Variants in HS3ST4 observed in about 807,000 individuals in gnomAD.
HS3ST4 encodes heparan sulfate-glucosamine 3-sulfotransferase 4, also known as heparan sulfate glucosamine 3-O-sulfotransferase 4.
In HS3ST4, 17 loss-of-function variants were observed where a neutral mutation model predicts 29.2. The ratio of observed to expected loss-of-function variants is 0.58; its 90% CI spans 0.40 to 0.87. HS3ST4 has a LOEUF of 0.87. Among genes scored for constraint, HS3ST4 ranks in the 40% least tolerant of loss-of-function variants. HS3ST4 has a pLI of 0.00. For missense variants in HS3ST4, 627 were observed against 634.5 expected, an observed-to-expected ratio of 0.99 and a Z score of 0.13; for synonymous variants, 314 against 285.7, an observed-to-expected ratio of 1.10 and a Z score of -1.00.
chr16:25,977,563 T>C (rs1042986922), intron 1 of HS3ST4, among the ~76,000 whole-genome samples: 3 of 152,212 alleles, frequency 2.0e-5, no homozygotes, highest in Non-Finnish European at 4.4e-5. Context: ...AAGTTTCTTT[T>C]TAAGTGGTTT....
intron 1 of HS3ST4, among the ~76,000 whole-genome samples, chr16:26,076,544 A>C (rs1409701137): frequency 6.6e-6 from 1 of 152,184 alleles, no homozygotes; most frequent in African/African-American, 2.4e-5. Flanking sequence ...AAGCATAGTG[A>C]TTAAAACATG....
chr16:25,981,746 T>A (rs1050166151), intron 1 of HS3ST4, among the ~76,000 whole-genome samples: 1 of 152,194 alleles, frequency 6.6e-6, no homozygotes, highest in Non-Finnish European at 1.5e-5. Flanking sequence ...TTCTCTTCAT[T>A]GTATTCCCAG....
rs1186185771 is a variant in HS3ST4, at chr16:26,135,859, T to C, written c.982T>C (p.Trp328Arg). ...NRTLGLIDAS[W>R]SAIRIGIYAL... Reference sequence around the variant, plus strand: ...GACCCTCGGGCTGATCGATGCTTCCTGGAGTGCCATTCGAATAGGGATCTA... The same window carrying C: ...GACCCTCGGGCTGATCGATGCTTCCCGGAGTGCCATTCGAATAGGGATCTA... The change falls in exon 2 of 2, where the codon TGG (tryptophan) becomes CGG (arginine). Residue 328 changes from tryptophan (W) to arginine (R), a missense_variant. By Grantham distance (101) the Trp-to-Arg change is moderately radical. This residue lies in a region of HS3ST4 where 225 missense variants were observed against 293.7 expected (regional missense o/e 0.77). Transcript: ENST00000331351. 2 of 1,613,902 alleles carry C rather than the reference T, an allele frequency of 1.2e-6. No individual in the cohort carries two copies. Among genetic ancestry groups the C allele is most frequent in the Admixed American group, 1.7e-5 (1 of 60,006 alleles).
intron 1 of HS3ST4, among the ~76,000 whole-genome samples, chr16:25,921,065 T>C (rs1968346946): frequency 6.6e-6 from 1 of 152,218 alleles, no homozygotes; most frequent in Non-Finnish European, 1.5e-5. Context: ...ATAATCTTTG[T>C]CATATTTATT....
At chr16:25,954,343 C>A (rs1251258384) in intron 1 of HS3ST4, among the ~76,000 whole-genome samples, 1 of 152,116 alleles carries the variant, frequency 6.6e-6, no homozygotes, top group Non-Finnish European at 1.5e-5. Flanking sequence ...TTTATTATCC[C>A]TCTTCTCCTC....
chr16:25,706,749 G>C (rs185685961), intron 1 of HS3ST4, among the ~76,000 whole-genome samples: 1 of 152,164 alleles, frequency 6.6e-6, no homozygotes, highest in Non-Finnish European at 1.5e-5. Context: ...GGGGAATTAG[G>C]TTGCAGATGG....
At chr16:25,918,025 TG>T (rs908914809) in intron 1 of HS3ST4, among the ~76,000 whole-genome samples, 3 of 151,982 alleles carry the variant, frequency 2.0e-5, no homozygotes, top group Admixed American at 6.6e-5. Flanking sequence ...TGAGATAGGG[TG>T]GGGGGGAGCA....
intron 1 of HS3ST4, among the ~76,000 whole-genome samples, chr16:26,073,995 G>A (rs1028667772): frequency 3.9e-5 from 6 of 152,120 alleles, no homozygotes; most frequent in African/African-American, 7.2e-5. Flanking sequence ...AGAGAAGCCC[G>A]TGTTTGTACC....
chr16:26,132,073 A>G lies in HS3ST4; in HGVS notation c.735-3539A>G, dbSNP rs144880257. Among the ~76,000 whole-genome samples the G allele has an allele frequency of 6.6e-5, 10 of 152,304 alleles. No homozygotes were observed. In the East Asian group the frequency reaches 1.9e-3, roughly 29 times the overall value. ...TCTGTTGATTTAAATACTTCATTAT[A>G]TGATGCTATAAAGAGCTCTTTATGT... is the stretch of plus-strand genomic sequence containing the variant. On this transcript the variant is annotated intron_variant, in intron 1 of 1. Coordinates refer to ENST00000331351, the MANE Select transcript of HS3ST4 (RefSeq NM_006040.3).
chr16:25,702,712 T>G (rs1966342106), intron 1 of HS3ST4, among the ~76,000 whole-genome samples: 2 of 152,324 alleles, frequency 1.3e-5, no homozygotes, highest in South Asian at 4.1e-4. Context: ...GCACATTTTA[T>G]TTGACAGAGG....
At chr16:26,103,110 A>C (rs1041238748) in intron 1 of HS3ST4, among the ~76,000 whole-genome samples, 1 of 152,132 alleles carries the variant, frequency 6.6e-6, no homozygotes, top group South Asian at 2.1e-4. Flanking sequence ...AGCCTGGGAA[A>C]TATAGTCTAT....
intron 1 of HS3ST4, among the ~76,000 whole-genome samples, chr16:25,750,046 T>G (rs1966709176): frequency 6.6e-6 from 1 of 152,226 alleles, no homozygotes; most frequent in African/African-American, 2.4e-5. Context: ...ACAAAAAGGT[T>G]GTTTCCCTCC....
chr16:25,757,005 G>C (rs1966762257), intron 1 of HS3ST4, among the ~76,000 whole-genome samples: 1 of 152,154 alleles, frequency 6.6e-6, no homozygotes, highest in African/African-American at 2.4e-5. Context: ...CTAGCCATGT[G>C]TCTCCTAGCT....
chr16:25,909,347 C>G (rs1968213253), intron 1 of HS3ST4, among the ~76,000 whole-genome samples: 1 of 152,110 alleles, frequency 6.6e-6, no homozygotes, highest in South Asian at 2.1e-4. Context: ...CACTACCGCA[C>G]CCAGCTAATT....
At chr16:25,710,077 C>T (rs1189931044) in intron 1 of HS3ST4, among the ~76,000 whole-genome samples, 1 of 152,120 alleles carries the variant, frequency 6.6e-6, no homozygotes, top group Non-Finnish European at 1.5e-5. Flanking sequence ...CCATTCTTTT[C>T]ATTTAAAGTG....
intron 1 of HS3ST4, among the ~76,000 whole-genome samples, chr16:26,021,743 A>G (rs966999138): frequency 6.6e-6 from 1 of 152,068 alleles, no homozygotes; most frequent in Admixed American, 6.6e-5. Flanking sequence ...AGCTCACTGC[A>G]ACCTCCGCCT....
At chr16:25,862,139 CCTATGAGAATTTTAT>C (rs1567258293) in intron 1 of HS3ST4, among the ~76,000 whole-genome samples, 1 of 151,578 alleles carries the variant, frequency 6.6e-6, no homozygotes, top group African/African-American at 2.4e-5. Context: ...AGTTGATTCT[CCTATGAGAATTTTAT>C]TTATTTACAT....
At chr16:26,062,603 T>C (rs1432222440) in intron 1 of HS3ST4, 1 of 137,466 alleles carries the variant, frequency 7.3e-6, no homozygotes, top group Non-Finnish European at 1.6e-5. Flanking sequence ...CATGGACTAT[T>C]GGTATAGTTT....
chr16:25,928,945 G>A (rs1968437155), intron 1 of HS3ST4, among the ~76,000 whole-genome samples: 1 of 152,218 alleles, frequency 6.6e-6, no homozygotes, highest in Non-Finnish European at 1.5e-5. Flanking sequence ...GGAACTGGGA[G>A]AGAGCATTTA....
Sources: allele counts gnomAD v4.1 joint callset (sites outside exome capture counted in the v4.1 genomes callset), GRCh38; gene constraint gnomAD v4.1.1; regional missense constraint gnomAD v4.1.1; transcripts MANE v1.5; gene names NCBI Gene and HGNC (gene_info 2026-07-23, HGNC 2026-07-21).